MCTP2: variants seen among roughly 807,000 people sequenced by gnomAD.
MCTP2 encodes the protein multiple C2 and transmembrane domain-containing protein 2.
MCTP2 carries 132 observed loss-of-function variants against 111.6 expected under a neutral mutation model. That is an observed-to-expected ratio of 1.18 (90% confidence interval 1.03 to 1.37). The LOEUF (loss-of-function observed/expected upper bound fraction) is 1.37. Ranked by LOEUF, MCTP2 falls within the 40% of genes most tolerant of loss-of-function variation. The pLI, the probability that MCTP2 is intolerant of heterozygous loss-of-function variation, is 0.00. For synonymous variants in MCTP2, 395 were observed against 387.7 expected (o/e 1.02, Z -0.22); for missense variants, 1,183 against 1,067.9 (o/e 1.11, Z -1.50).
At chr15:94,304,333 T>C (rs1475704805) in intron 2 of MCTP2, among the ~76,000 whole-genome samples, 2 of 152,126 alleles carry the variant, frequency 1.3e-5, no homozygotes, top group Non-Finnish European at 2.9e-5. Context: ...TCCCAGCTAC[T>C]GAGGAGGCTG....
At chr15:94,404,415 C>T (rs1005665706) in intron 17 of MCTP2, among the ~76,000 whole-genome samples, 5 of 151,684 alleles carry the variant, frequency 3.3e-5, no homozygotes, top group African/African-American at 1.2e-4. Context: ...GATTCTTCTC[C>T]CTCAGCCTCC....
At chr15:94,453,632 G>T (rs978465914) in intron 19 of MCTP2, among the ~76,000 whole-genome samples, 6 of 152,332 alleles carry the variant, frequency 3.9e-5, no homozygotes, top group African/African-American at 1.4e-4. Flanking sequence ...ACTCATTGTA[G>T]TGAGTAAATG....
At chr15:94,283,378 C>T (rs2074592278) in intron 1 of MCTP2, among the ~76,000 whole-genome samples, 1 of 150,508 alleles carries the variant, frequency 6.6e-6, no homozygotes, top group African/African-American at 2.5e-5. Flanking sequence ...CTTTCATGGC[C>T]ATGCTCCATG....
intron 17 of MCTP2, among the ~76,000 whole-genome samples, chr15:94,426,651 C>A (rs1161761252): frequency 6.6e-6 from 1 of 152,060 alleles, no homozygotes; most frequent in African/African-American, 2.4e-5. Flanking sequence ...ATATCTAAAT[C>A]ACCCATCTAT....
chr15:94,410,218 A>G (rs1399590651), intron 17 of MCTP2, among the ~76,000 whole-genome samples: 3 of 152,122 alleles, frequency 2.0e-5, no homozygotes, highest in Non-Finnish European at 2.9e-5. Context: ...ACACACACTC[A>G]TGTGCTATTT....
chr15:94,458,302 A>G (rs2084965716), intron 20 of MCTP2, 56 bp downstream of exon 20: 1 of 1,056,700 alleles, frequency 9.5e-7, no homozygotes, highest in African/African-American at 1.6e-5. Flanking sequence ...CCACAAGGAC[A>G]GTGGGGTAAT....
At chr15:94,465,457 A>AAGTT (rs2073191917) in intron 20 of MCTP2, among the ~76,000 whole-genome samples, 1 of 152,180 alleles carries the variant, frequency 6.6e-6, no homozygotes, top group South Asian at 2.1e-4. Context: ...AATGTAATAA[A>AAGTT]AGTTATGTGA....
chr15:94,273,078 G>A (rs2073996726), intron 1 of MCTP2, among the ~76,000 whole-genome samples: 1 of 152,190 alleles, frequency 6.6e-6, no homozygotes, highest in African/African-American at 2.4e-5. Flanking sequence ...GAACTCTCTA[G>A]TAGGGCTGGA....
chr15:94,390,747 T>TTTTGA (rs1567605301), intron 14 of MCTP2, among the ~76,000 whole-genome samples: 13 of 140,924 alleles, frequency 9.2e-5, no homozygotes, highest in African/African-American at 2.4e-4. Context: ...TTTTTTTTTT[T>TTTTGA]GGGATGGAGT....
chr15:94,402,840 G>A (rs1175559632), intron 17 of MCTP2: 5 of 1,296,306 alleles, frequency 3.9e-6, no homozygotes, highest in South Asian at 3.9e-5. Flanking sequence ...AAACTAATAC[G>A]AGGTATGAGT....
At chr15:94,383,033 A>G (rs772124581) in intron 12 of MCTP2, among the ~76,000 whole-genome samples, 6 of 151,286 alleles carry the variant, frequency 4.0e-5, no homozygotes, top group Non-Finnish European at 5.9e-5. Flanking sequence ...GAGAGGTGAG[A>G]AGTGAAAGAT....
intron 17 of MCTP2, among the ~76,000 whole-genome samples, chr15:94,428,894 G>A (rs181630439): frequency 2.6e-5 from 4 of 151,762 alleles, no homozygotes; most frequent in Admixed American, 2.6e-4. Context: ...ACTTTCATTA[G>A]ACTTGATTAA....
intron 12 of MCTP2, among the ~76,000 whole-genome samples, chr15:94,374,348 T>C (rs2152442719): frequency 6.6e-6 from 1 of 152,302 alleles, no homozygotes; most frequent in African/African-American, 2.4e-5. Flanking sequence ...GATCAGCCAA[T>C]GAAGAGTAGG....
At chr15:94,390,112 A>ATACG (rs1567603499) in intron 14 of MCTP2, among the ~76,000 whole-genome samples, 5 of 31,604 alleles carry the variant, frequency 1.6e-4, no homozygotes, top group African/African-American at 4.1e-4. Context: ...ATATATATAT[A>ATACG]TGTATATATA....
At position 94,263,255 on chromosome 15, in the gene MCTP2, T is replaced by C. The variant is rs188442648; in HGVS notation, c.-66+31591T>C. Among the ~76,000 whole-genome samples the C allele has an allele frequency of 1.7e-3, 252 of 152,348 alleles. 1 individual carries two copies. Among genetic ancestry groups the C allele is most frequent in the African/African-American group, 5.9e-3 (246 of 41,590 alleles). Reference sequence around the variant, plus strand: ...AATAGTGAATGGGCATTGTGTCTTCTGAGAGATACATACAGCTAAGTCTCA... The same window carrying C: ...AATAGTGAATGGGCATTGTGTCTTCCGAGAGATACATACAGCTAAGTCTCA... On this transcript the variant is annotated intron_variant, in intron 1 of 22. Coordinates refer to ENST00000357742, the MANE Select transcript of MCTP2 (RefSeq NM_001385001.1).
chr15:94,407,903 A>T (rs1221493481), intron 17 of MCTP2, among the ~76,000 whole-genome samples: 3 of 152,156 alleles, frequency 2.0e-5, no homozygotes, highest in African/African-American at 7.2e-5. Flanking sequence ...AGTAAAAACC[A>T]AAGGCAAGGC....
intron 4 of MCTP2, among the ~76,000 whole-genome samples, chr15:94,338,518 G>C (rs2077479210): frequency 9.6e-6 from 1 of 103,720 alleles, no homozygotes; most frequent in Non-Finnish European, 1.9e-5. Context: ...TACTTCCATT[G>C]ATCTGAAAAA....
At chr15:94,293,212 A>G (rs1236814872) in intron 1 of MCTP2, among the ~76,000 whole-genome samples, 1 of 152,154 alleles carries the variant, frequency 6.6e-6, no homozygotes, top group East Asian at 1.9e-4. Context: ...GGCTTGTTAG[A>G]CTATATCAAA....
rs2074782599 is a variant in MCTP2, at chr15:94,482,613, A to G, written c.*3579A>G. The G allele has an allele frequency of 6.6e-6, 1 of 152,212 alleles. No homozygotes were observed. The highest frequency in any genetic ancestry group is 1.5e-5 in the Non-Finnish European group (1 of 68,042). 9.4% of individuals were successfully genotyped at this position (152,212 alleles called of 1,614,324 possible). On this transcript the variant is annotated 3_prime_UTR_variant, in exon 23 of 23. Transcript: ENST00000357742. ...AGGAATGTCAGCAAGGTAATGGAAT[A>G]TATAGTTCTCAGAGAAGTAACACAC... is the stretch of plus-strand genomic sequence containing the variant.
Sources: allele counts gnomAD v4.1 joint callset (sites outside exome capture counted in the v4.1 genomes callset), GRCh38; gene constraint gnomAD v4.1.1; transcripts MANE v1.5; gene names NCBI Gene and HGNC (gene_info 2026-07-23, HGNC 2026-07-21).